PLXNA4: variants seen among roughly 807,000 people sequenced by gnomAD.
PLXNA4 encodes the protein plexin A4.
A neutral mutation model predicts 191.8 loss-of-function variants in PLXNA4; 44 were observed. That is an observed-to-expected ratio of 0.23 (90% CI 0.18 to 0.29). The LOEUF (loss-of-function observed/expected upper bound fraction) is 0.29, where lower values mean the gene tolerates loss of function less well. PLXNA4 is among the 10% of genes least tolerant of loss of function. The pLI, the probability that PLXNA4 is intolerant of heterozygous loss-of-function variation, is 1.00. For missense variants in PLXNA4, 1,800 were observed against 2,488.8 expected (o/e 0.72, Z 5.89); for synonymous variants, 1,082 against 1,009.5 (o/e 1.07, Z -1.36).
intron 3 of PLXNA4, among the ~76,000 whole-genome samples, chr7:132,354,164 C>T (rs1342107536): frequency 8.8e-5 from 13 of 148,226 alleles, no homozygotes; most frequent in Non-Finnish European, 1.6e-4. Context: ...TGCCTGTAAG[C>T]CTGGGGCACC....
chr7:132,427,619 T>C (rs925841024), intron 3 of PLXNA4, among the ~76,000 whole-genome samples: 2 of 152,180 alleles, frequency 1.3e-5, no homozygotes, highest in African/African-American at 4.8e-5. Context: ...ACTGGCAGCT[T>C]CAGGGGCTGG....
chr7:132,555,420 C>T (rs1395126554), intron 1 of PLXNA4, among the ~76,000 whole-genome samples: 3 of 152,060 alleles, frequency 2.0e-5, no homozygotes, highest in African/African-American at 7.2e-5. Context: ...ATTTATAAAC[C>T]AAGAAAACTG....
rs1274094564 is a variant in PLXNA4 at position 132,403,644 on chromosome 7, A to ACT, written c.1371+85646_1371+85647dup. On this transcript the variant is annotated intron_variant, in intron 3 of 31. Coordinates refer to ENST00000321063, the MANE Select transcript of PLXNA4 (RefSeq NM_020911.2). ...CCCTTCCTGGCCTGGCTTTTCCTCCACTCTCTCTCTCCAACCTCCTCCCAC... is the reference window on the plus strand; with the variant it reads ...CCCTTCCTGGCCTGGCTTTTCCTCCACTCTCTCTCTCTCCAACCTCCTCCCAC... Among the ~76,000 whole-genome samples the ACT allele has an allele frequency of 4.0e-5, 6 of 151,218 alleles. No individual in the cohort carries two copies. The East Asian group carries it at 7.8e-4, about 20-fold the overall frequency.
intron 3 of PLXNA4, among the ~76,000 whole-genome samples, chr7:132,408,656 G>T (rs1007694609): frequency 6.6e-6 from 1 of 152,042 alleles, no homozygotes; most frequent in Non-Finnish European, 1.5e-5. Flanking sequence ...AGTAGAGATG[G>T]GGTTTCGCCA....
intron 10 of PLXNA4, among the ~76,000 whole-genome samples, chr7:132,205,286 G>T (rs1294241608): frequency 6.6e-6 from 1 of 152,116 alleles, no homozygotes; most frequent in East Asian, 1.9e-4. Flanking sequence ...ATCACCCGGG[G>T]GGCCTACTAA....
chr7:132,385,297 T>TG (rs1266173712), intron 3 of PLXNA4: 1 of 1,609,120 alleles, frequency 6.2e-7, no homozygotes, highest in Non-Finnish European at 8.5e-7. Flanking sequence ...ACCAGGCATC[T>TG]GGAAAAGATG....
At chr7:132,394,253 C>T (rs898943786) in intron 3 of PLXNA4, among the ~76,000 whole-genome samples, 5 of 152,286 alleles carry the variant, frequency 3.3e-5, no homozygotes, top group East Asian at 1.9e-4. Context: ...CCTACCCCCT[C>T]GAGACACCCA....
Position 132,146,691 on chromosome 7 carries a change from A to C in PLXNA4, c.4874T>G (p.Ile1625Ser), listed in dbSNP as rs1294599633. ...RTSASKYENM[I>S]RYTGSPDSLR... ...GCTGTCGGGGCTGCCCGTGTACCGG[A>C]TCATGTTTTCTGCCAAGGCAAGGAT... Residue 1625 changes from isoleucine (I) to serine (S), a missense_variant, in exon 28 of 32, where the codon ATC (isoleucine) becomes AGC (serine). Transcript: ENST00000321063. 1.9e-6 allele frequency: 3 copies of C among 1,613,328 alleles called. No individual in the cohort carries two copies. Among genetic ancestry groups the C allele is most frequent in the Non-Finnish European group, 2.5e-6 (3 of 1,179,328 alleles).
chr7:132,256,635 G>T (rs185383376), intron 4 of PLXNA4, among the ~76,000 whole-genome samples: 1 of 152,278 alleles, frequency 6.6e-6, no homozygotes, highest in Admixed American at 6.5e-5. Context: ...TGTTTTGCTG[G>T]ATTTAAGATG....
chr7:132,194,677 G>C (rs1190474374), intron 13 of PLXNA4, among the ~76,000 whole-genome samples: 2 of 152,280 alleles, frequency 1.3e-5, no homozygotes, highest in East Asian at 3.9e-4. Flanking sequence ...CCAGCCTCCA[G>C]GCTGGGTGAG....
rs760667477 is a variant in PLXNA4 at position 132,194,135 on chromosome 7, C to T, written c.2783G>A (p.Gly928Asp). ...CACAGCCACGCAGATCTCCACGAAGCCTGCATGCTGGCTGGGCTTGGCCTC... is the reference window on the plus strand; with the variant it reads ...CACAGCCACGCAGATCTCCACGAAGTCTGCATGCTGGCTGGGCTTGGCCTC... ...MGEAKPSQHAGFVEICVAVCR... is the reference protein window; with the variant it reads ...MGEAKPSQHADFVEICVAVCR... The change falls in exon 14 of 32, where the codon GGC becomes GAC. Residue 928 changes from glycine (G) to aspartate (D), a missense_variant. Coordinates refer to ENST00000321063, the MANE Select transcript of PLXNA4 (RefSeq NM_020911.2). 2.5e-6 allele frequency: 4 copies of T among 1,613,884 alleles called. No individual in the cohort carries two copies. The highest frequency in any genetic ancestry group is 3.4e-6 in the Non-Finnish European group (4 of 1,179,892).
chr7:132,484,709 A>G, intron 3 of PLXNA4: 1 of 1,517,562 alleles, frequency 6.6e-7, no homozygotes, highest in Non-Finnish European at 8.9e-7. Context: ...TGGTGTTCCA[A>G]CATTGTATCT....
intron 5 of PLXNA4, among the ~76,000 whole-genome samples, chr7:132,238,386 A>G (rs1290561895): frequency 6.6e-6 from 1 of 152,148 alleles, no homozygotes; most frequent in Admixed American, 6.5e-5. Flanking sequence ...TACCATGTGC[A>G]ATGAGAACTG....
chr7:132,499,358 G>A (rs527715695), intron 2 of PLXNA4, among the ~76,000 whole-genome samples: 2 of 152,350 alleles, frequency 1.3e-5, no homozygotes, highest in South Asian at 2.1e-4. Context: ...TTATCCCTGG[G>A]GGCTGGTTTA....
chr7:132,130,613 G>T lies in PLXNA4; in HGVS notation c.5590-39C>A, dbSNP rs777137669. On this transcript the variant is annotated intron_variant, in intron 31 of 31. Coordinates refer to ENST00000321063, the MANE Select transcript of PLXNA4 (RefSeq NM_020911.2). The stretch of plus-strand genomic sequence containing the variant: ...AAGAACAGGGAGATTACTCATTTGT[G>T]TGTACAGGTCTGTGTTCTCAGGAGG... 1.2e-5 allele frequency: 19 copies of T among 1,613,670 alleles called. No individual in the cohort carries two copies. The South Asian group carries it at 2.0e-4, about 17-fold the overall frequency.
intron 5 of PLXNA4, among the ~76,000 whole-genome samples, chr7:132,233,930 C>T (rs1465863466): frequency 6.6e-6 from 1 of 152,104 alleles, no homozygotes; most frequent in Non-Finnish European, 1.5e-5. Context: ...CAAACCAAAC[C>T]AAATTACATG....
chr7:132,642,547 A>G (rs1384179810), intron 2 of PLXNA4, among the ~76,000 whole-genome samples: 1 of 151,934 alleles, frequency 6.6e-6, no homozygotes, highest in East Asian at 1.9e-4. Flanking sequence ...GAGAGAAACT[A>G]GGGAGGAGGC....
intron 4 of PLXNA4, among the ~76,000 whole-genome samples, chr7:132,277,479 C>T (rs1209307174): frequency 6.6e-6 from 1 of 152,154 alleles, no homozygotes; most frequent in East Asian, 1.9e-4. Context: ...GAGGATGACT[C>T]AGTATAGGAC....
intron 2 of PLXNA4, among the ~76,000 whole-genome samples, chr7:132,494,457 G>A (rs369581084): frequency 2.6e-5 from 4 of 152,250 alleles, no homozygotes; most frequent in South Asian, 4.1e-4. Flanking sequence ...ACCATGGAGG[G>A]CCCTTCCTAG....
Sources: gnomAD v4.1 joint callset for allele counts (sites outside exome capture counted in the v4.1 genomes callset) on GRCh38, gnomAD v4.1.1 for gene constraint, MANE v1.5 for transcripts, NCBI Gene and HGNC (gene_info 2026-07-23, HGNC 2026-07-21) for gene names.